PCDHA5: variants seen among roughly 807,000 people sequenced by gnomAD.
The protein encoded by PCDHA5 is protocadherin alpha 5.
Under a neutral mutation model 61.6 loss-of-function variants are expected in PCDHA5, and 43 were observed. The ratio of observed to expected loss-of-function variants is 0.70; its 90% confidence interval spans 0.55 to 0.90. PCDHA5 has a LOEUF of 0.90. PCDHA5 is among the 40% of genes least tolerant of loss of function. The pLI is 0.00. For missense variants in PCDHA5, 1,298 were observed against 1,222.7 expected, an observed-to-expected ratio of 1.06 and a Z score of -0.92; for synonymous variants, 627 against 543.9, an observed-to-expected ratio of 1.15 and a Z score of -2.13.
intron 1 of PCDHA5, among the ~76,000 whole-genome samples, chr5:140,918,864 A>T (rs1225688566): frequency 6.6e-6 from 1 of 152,180 alleles, no homozygotes; most frequent in Non-Finnish European, 1.5e-5. Flanking sequence ...TGAATCATGA[A>T]CTTTCAAGCC....
chr5:140,966,499 A>AGCG (rs1178498918), intron 1 of PCDHA5: 4 of 431,834 alleles, frequency 9.3e-6, no homozygotes, highest in Non-Finnish European at 1.6e-5. Flanking sequence ...CTGGAGCTGT[A>AGCG]GCGGCAGCAG....
At chr5:140,866,680 C>G (rs2049493628) in intron 1 of PCDHA5, 1 of 152,138 alleles carries the variant, frequency 6.6e-6, no homozygotes, top group South Asian at 2.1e-4. Context: ...AGCACTAGGT[C>G]TGTTAGAATA....
chr5:140,966,240 G>A (rs1372436745), intron 1 of PCDHA5: 3 of 306,008 alleles, frequency 9.8e-6, no homozygotes, highest in Non-Finnish European at 1.8e-5. Flanking sequence ...GACCCGTTAA[G>A]CAGGGGAGAG....
Position 140,842,679 on chromosome 5 carries a change from C to T in PCDHA5, c.2352+18552C>T, listed in dbSNP as rs2150341829. 264 of 1,595,330 alleles carry T rather than the reference C, an allele frequency of 1.7e-4. 16 individuals are homozygous for T. The South Asian group carries it at 1.9e-3, about 12-fold the overall frequency. ...GTGGCCGACGTGAACGACAATGCTCCGGCGTTCGCGCAGCCCGAGTACACG... is the reference window on the plus strand; with the variant it reads ...GTGGCCGACGTGAACGACAATGCTCTGGCGTTCGCGCAGCCCGAGTACACG... On this transcript the variant is annotated intron_variant, in intron 1 of 3. Coordinates refer to ENST00000529859, the MANE Select transcript of PCDHA5 (RefSeq NM_018908.3).
intron 1 of PCDHA5, among the ~76,000 whole-genome samples, chr5:140,889,977 C>A (rs2062447126): frequency 6.6e-6 from 1 of 152,102 alleles, no homozygotes; most frequent in African/African-American, 2.4e-5. Flanking sequence ...ATCCAGTCTC[C>A]AGTTGTCTTA....
chr5:141,001,213 A>G (rs2097997873), intron 3 of PCDHA5, among the ~76,000 whole-genome samples: 1 of 152,154 alleles, frequency 6.6e-6, no homozygotes, highest in African/African-American at 2.4e-5. Context: ...TGTGCTGTAT[A>G]AGGATAGTTA....
At chr5:140,850,426 G>A (rs2150483795) in intron 1 of PCDHA5, 1 of 1,597,836 alleles carries the variant, frequency 6.3e-7, no homozygotes, top group Non-Finnish European at 8.6e-7. Flanking sequence ...GACGCACCGC[G>A]CCAGCGCCTA....
At chr5:140,874,058 T>C (rs1454224127) in intron 1 of PCDHA5, among the ~76,000 whole-genome samples, 1 of 152,234 alleles carries the variant, frequency 6.6e-6, no homozygotes, top group African/African-American at 2.4e-5. Context: ...TTAGACAATT[T>C]AAATAATTAG....
chr5:140,840,750 A>G (rs1261574631), intron 1 of PCDHA5, among the ~76,000 whole-genome samples: 1 of 152,112 alleles, frequency 6.6e-6, no homozygotes, highest in Non-Finnish European at 1.5e-5. Flanking sequence ...CAATAAGAAC[A>G]CAAGAAGATA....
intron 1 of PCDHA5, chr5:140,850,680 G>T: frequency 6.3e-7 from 1 of 1,598,518 alleles, no homozygotes; most frequent in Non-Finnish European, 8.6e-7. Flanking sequence ...GATGCCCACC[G>T]AGGGCGAGTG....
intron 1 of PCDHA5, among the ~76,000 whole-genome samples, chr5:140,943,416 A>T (rs556948015): frequency 2.6e-5 from 4 of 152,286 alleles, no homozygotes; most frequent in African/African-American, 9.6e-5. Flanking sequence ...GACTAGAGGC[A>T]AGGGCTTTAA....
At chr5:140,828,743 G>A (rs1159793730) in intron 1 of PCDHA5, 3 of 1,614,118 alleles carry the variant, frequency 1.9e-6, no homozygotes, top group African/African-American at 2.7e-5. Flanking sequence ...CACAGATGGG[G>A]GCAAACCTGA....
chr5:140,969,781 A>G (rs1017019880), intron 1 of PCDHA5, among the ~76,000 whole-genome samples: 3 of 152,336 alleles, frequency 2.0e-5, no homozygotes, highest in East Asian at 1.9e-4. Flanking sequence ...AGGGGCTATC[A>G]TAGTCACCAC....
rs2096720992 is a variant in PCDHA5 at position 140,976,533 on chromosome 5, A to G, written c.2353-2416A>G. 2.0e-5 allele frequency among the ~76,000 whole-genome samples: 3 copies of G among 152,170 alleles called. No homozygotes were observed. In the South Asian group the frequency reaches 6.2e-4, roughly 32 times the overall value. Reference sequence around the variant, plus strand: ...GCCACTGCACACCAGCCTAAATGACAGAGTAAGACCCTATCTCATAAATAA... The same window carrying G: ...GCCACTGCACACCAGCCTAAATGACGGAGTAAGACCCTATCTCATAAATAA... On this transcript the variant is annotated intron_variant, in intron 1 of 3. Coordinates refer to ENST00000529859, the MANE Select transcript of PCDHA5 (RefSeq NM_018908.3).
At chr5:140,926,438 G>A (rs2083248814) in intron 1 of PCDHA5, 1 of 154,646 alleles carries the variant, frequency 6.5e-6, no homozygotes, top group African/African-American at 2.4e-5. Flanking sequence ...TTAAGATCTG[G>A]GCAGCCTCAG....
At chr5:140,934,771 A>G (rs1319115042) in intron 1 of PCDHA5, among the ~76,000 whole-genome samples, 2 of 152,184 alleles carry the variant, frequency 1.3e-5, no homozygotes, top group Non-Finnish European at 2.9e-5. Context: ...CATATTTGAT[A>G]TGGCCCAATC....
chr5:141,002,853 G>C (rs781830862), intron 3 of PCDHA5, among the ~76,000 whole-genome samples: 1 of 152,184 alleles, frequency 6.6e-6, no homozygotes, highest in Non-Finnish European at 1.5e-5. Context: ...ACTAGTGAGA[G>C]AACCAGGGCA....
chr5:140,980,963 A>T (rs1047334103), intron 2 of PCDHA5, among the ~76,000 whole-genome samples: 8 of 152,224 alleles, frequency 5.3e-5, no homozygotes, highest in African/African-American at 1.9e-4. Context: ...TTACACCTTC[A>T]TGAATCTGAC....
chr5:140,902,180 A>G (rs991898675), intron 1 of PCDHA5, among the ~76,000 whole-genome samples: 2 of 140,608 alleles, frequency 1.4e-5, no homozygotes, highest in East Asian at 4.1e-4. Context: ...GATGTCCTTT[A>G]TGTCTTCTCT....
Sources: allele counts gnomAD v4.1 joint callset (sites outside exome capture counted in the v4.1 genomes callset), GRCh38; gene constraint gnomAD v4.1.1; transcripts MANE v1.5; gene names NCBI Gene and HGNC (gene_info 2026-07-23, HGNC 2026-07-21).